The following EFR3B variants were observed in gnomAD, a reference collection of about 807,000 sequenced individuals.
The protein encoded by EFR3B is protein EFR3 homolog B.
Under a neutral mutation model 104.7 loss-of-function variants are expected in EFR3B, and 64 were observed. The ratio of observed to expected loss-of-function variants is 0.61; its 90% CI spans 0.50 to 0.75. The LOEUF (loss-of-function observed/expected upper bound fraction) is 0.75. EFR3B is among the 30% of genes least tolerant of loss of function. The pLI is 0.00. For missense variants in EFR3B, 750 were observed against 1,078.5 expected (o/e 0.70, Z 4.27); for synonymous variants, 385 against 417.9 (o/e 0.92, Z 0.96).
At position 25,137,229 on chromosome 2, in the gene EFR3B, A is replaced by AG; in HGVS notation, c.1561-107dup. The stretch of plus-strand genomic sequence containing the variant: ...AAAGGCATCCCCTCCCCAAGGGAGG[A>AG]GGGGGCACACAGCCATCCTGCCCCC... On this transcript the variant is annotated intron_variant, in intron 14 of 22. Transcript: ENST00000403714. The surrounding 1 kb of genome is among the most constrained non-coding windows in gnomAD (Gnocchi z 4.7). 2 of 1,241,640 alleles carry AG rather than the reference A, an allele frequency of 1.6e-6. No individual in the cohort carries two copies. The highest frequency in any genetic ancestry group is 2.2e-6 in the Non-Finnish European group (2 of 895,202). 76.9% of individuals were successfully genotyped at this position (1,241,640 alleles called of 1,614,324 possible).
intron 1 of EFR3B, among the ~76,000 whole-genome samples, chr2:25,072,028 T>C (rs548019945): frequency 3.3e-5 from 5 of 152,338 alleles, no homozygotes; most frequent in Admixed American, 1.3e-4. Context: ...CACATCACCC[T>C]GGTGGTGTGG....
intron 16 of EFR3B, among the ~76,000 whole-genome samples, chr2:25,140,224 A>T (rs1670626185): frequency 6.6e-6 from 1 of 152,114 alleles, no homozygotes; most frequent in Non-Finnish European, 1.5e-5. Context: ...GAGGCAGGAG[A>T]ATCGCTTGAA....
intron 1 of EFR3B, among the ~76,000 whole-genome samples, chr2:25,058,757 T>TC (rs1558584245): frequency 1.7e-5 from 2 of 120,704 alleles, no homozygotes; most frequent in South Asian, 2.9e-4. Flanking sequence ...AGACTCTGTC[T>TC]CCCCGCGCCC....
At chr2:25,066,151 C>T (rs528479772) in intron 1 of EFR3B, among the ~76,000 whole-genome samples, 8 of 152,252 alleles carry the variant, frequency 5.3e-5, no homozygotes, top group African/African-American at 1.9e-4. Context: ...AGTGTGACAT[C>T]CCCAAGTTTG....
intron 4 of EFR3B, among the ~76,000 whole-genome samples, chr2:25,110,969 T>C (rs2149195617): frequency 6.6e-6 from 1 of 152,362 alleles, no homozygotes; most frequent in South Asian, 2.1e-4. Flanking sequence ...GGCAGGTCAG[T>C]TGCTTTGTAG....
intron 4 of EFR3B, among the ~76,000 whole-genome samples, chr2:25,116,397 G>T (rs1669860543): frequency 6.6e-6 from 1 of 152,180 alleles, no homozygotes; most frequent in Non-Finnish European, 1.5e-5. Context: ...GCCAAGGCAG[G>T]CAGATTGCTT....
intron 2 of EFR3B, among the ~76,000 whole-genome samples, chr2:25,092,542 C>T (rs901042206): frequency 3.3e-5 from 5 of 152,006 alleles, no homozygotes; most frequent in Non-Finnish European, 5.9e-5. Context: ...ACGTTTGTAT[C>T]ACTTACAATT....
intron 21 of EFR3B, 115 bp downstream of exon 21, chr2:25,152,135 A>ACC: frequency 2.3e-6 from 2 of 887,566 alleles, no homozygotes; most frequent in Non-Finnish European, 3.3e-6. Flanking sequence ...AACCTCCCCC[A>ACC]CCCCCACCCT....
At chr2:25,061,776 G>A (rs944688369) in intron 1 of EFR3B, among the ~76,000 whole-genome samples, 12 of 151,764 alleles carry the variant, frequency 7.9e-5, no homozygotes, top group South Asian at 4.2e-4. Context: ...GATTATAGGC[G>A]TGAGCCACCC....
chr2:25,067,236 A>G (rs908836817), intron 1 of EFR3B, among the ~76,000 whole-genome samples: 1 of 151,576 alleles, frequency 6.6e-6, no homozygotes, highest in Non-Finnish European at 1.5e-5. Context: ...CTCCATCCCT[A>G]GGCACCCCCA....
chr2:25,153,357 T>TA (rs1270310333), intron 21 of EFR3B, among the ~76,000 whole-genome samples: 3 of 150,972 alleles, frequency 2.0e-5, no homozygotes, highest in African/African-American at 7.3e-5. Flanking sequence ...CCTTCTCAAT[T>TA]AAAAAAAAGA....
chr2:25,081,825 T>G (rs1318010685), intron 1 of EFR3B: 1 of 322,246 alleles, frequency 3.1e-6, no homozygotes, highest in Non-Finnish European at 5.6e-6. Context: ...AAATAATGTA[T>G]CTCAGTGGGC....
At chr2:25,150,554 C>G (rs1277260458) in intron 20 of EFR3B, among the ~76,000 whole-genome samples, 3 of 151,338 alleles carry the variant, frequency 2.0e-5, no homozygotes, top group African/African-American at 7.3e-5. Flanking sequence ...AAATGCCAAA[C>G]TTTTAAATTT....
intron 3 of EFR3B, among the ~76,000 whole-genome samples, chr2:25,095,611 G>A (rs1211922870): frequency 2.0e-5 from 3 of 152,010 alleles, no homozygotes; most frequent in African/African-American, 4.8e-5. Context: ...TGGGGTAATC[G>A]CTTGAACCCA....
At position 25,131,622 on chromosome 2, in the gene EFR3B, C is replaced by A; in HGVS notation, c.985+119C>A. 1 of 1,496,462 alleles carries A rather than the reference C, an allele frequency of 6.7e-7. No individual in the cohort carries two copies. Among genetic ancestry groups the A allele is most frequent in the African/African-American group, 1.4e-5 (1 of 71,892 alleles). The allele number at this position is 1,496,462 out of a possible 1,614,324, so 92.7% of individuals were successfully genotyped here. ...GTCCGTTTTCCTCGGGAGAAGTCCG[C>A]CAGGAAGTTGGGAGCGCAGAGGAAG... On this transcript the variant is annotated intron_variant, in intron 9 of 22. Coordinates refer to ENST00000403714, the MANE Select transcript of EFR3B (RefSeq NM_014971.2). The surrounding 1 kb of genome is among the most constrained non-coding windows in gnomAD (Gnocchi z 7.6).
In EFR3B at chr2:25,131,599, C is replaced by T. The variant is rs552021277; in HGVS notation, c.985+96C>T. On this transcript the variant is annotated intron_variant, in intron 9 of 22. Coordinates refer to ENST00000403714, the MANE Select transcript of EFR3B (RefSeq NM_014971.2). The surrounding 1 kb of genome is among the most constrained non-coding windows in gnomAD (Gnocchi z 7.6). ...AGGGACAACAGGGAGGGGTCGGAGT[C>T]CGTTTTCCTCGGGAGAAGTCCGCCA... The T allele has an allele frequency of 3.8e-4, 569 of 1,510,380 alleles. 1 individual carries two copies. The African/African-American group carries it at 7.2e-3, about 19-fold the overall frequency. The allele number at this position is 1,510,380 out of a possible 1,614,324, so 93.6% of individuals were successfully genotyped here.
At chr2:25,101,943 A>G (rs1450657330) in intron 3 of EFR3B, among the ~76,000 whole-genome samples, 1 of 152,240 alleles carries the variant, frequency 6.6e-6, no homozygotes, top group Non-Finnish European at 1.5e-5. Context: ...CTCTTTCTTT[A>G]GAATGTAAAT....
Position 25,154,009 on chromosome 2 carries a change from G to A in EFR3B, c.2349-226G>A, listed in dbSNP as rs1348890275. ...AGACGCAAGAGTCCTAGTGTTCCGG[G>A]CTGGCACTTTCTAAAGCAGCAGTGT... On this transcript the variant is annotated intron_variant, in intron 22 of 22. Coordinates refer to ENST00000403714, the MANE Select transcript of EFR3B (RefSeq NM_014971.2). The surrounding 1 kb of genome is among the most constrained non-coding windows in gnomAD (Gnocchi z 4.1). Among the ~76,000 whole-genome samples the A allele has an allele frequency of 6.6e-6, 1 of 152,196 alleles. No individual in the cohort carries two copies. The highest frequency in any genetic ancestry group is 1.5e-5 in the Non-Finnish European group (1 of 68,036).
At chr2:25,122,228 G>A (rs7577904) in intron 5 of EFR3B, among the ~76,000 whole-genome samples, 122,493 of 151,974 alleles carry the variant, frequency 0.81, 49,791 homozygotes, top group East Asian at 0.99. Flanking sequence ...CGGCCTCCCA[G>A]AGTGCTAGGA....
Sources: gnomAD v4.1 joint callset for allele counts (sites outside exome capture counted in the v4.1 genomes callset) on GRCh38, gnomAD v4.1.1 for gene constraint, Gnocchi (gnomAD v3.1) non-coding constraint, MANE v1.5 for transcripts, NCBI Gene and HGNC (gene_info 2026-07-23, HGNC 2026-07-21) for gene names.